KHDRBS3: variants seen among roughly 807,000 people sequenced by gnomAD.
KHDRBS3 encodes the protein KH RNA binding domain containing, signal transduction associated 3, also known as KH domain-containing, RNA-binding, signal transduction-associated protein 3.
Under a neutral mutation model 45.6 loss-of-function variants are expected in KHDRBS3, and 23 were observed. That is an observed-to-expected ratio of 0.50 (90% confidence interval 0.36 to 0.72). The LOEUF (loss-of-function observed/expected upper bound fraction) is 0.72, where lower values mean the gene tolerates loss of function less well. KHDRBS3 is among the 30% of genes least tolerant of loss of function. The pLI is 0.00. For synonymous variants in KHDRBS3, 162 were observed against 156.5 expected (o/e 1.04, Z -0.26); for missense variants, 352 against 424.8 (o/e 0.83, Z 1.51).
chr8:135,527,120 T>C (rs945963657), intron 2 of KHDRBS3, among the ~76,000 whole-genome samples: 4 of 152,218 alleles, frequency 2.6e-5, no homozygotes, highest in African/African-American at 9.6e-5. Context: ...TGGATCCGGC[T>C]CTGTCTATAC....
intron 1 of KHDRBS3, among the ~76,000 whole-genome samples, chr8:135,499,131 A>C (rs959138355): frequency 1.3e-5 from 2 of 152,150 alleles, no homozygotes; most frequent in Non-Finnish European, 1.5e-5. Flanking sequence ...GAGAGAGTGC[A>C]GTTGTGGTTG....
chr8:135,492,979 C>G (rs1823235145), intron 1 of KHDRBS3, among the ~76,000 whole-genome samples: 2 of 152,024 alleles, frequency 1.3e-5, no homozygotes, highest in Non-Finnish European at 1.5e-5. Context: ...TTATTTACAT[C>G]TTTTTAAATT....
At chr8:135,523,938 C>G (rs1041295483) in intron 2 of KHDRBS3, among the ~76,000 whole-genome samples, 1 of 151,884 alleles carries the variant, frequency 6.6e-6, no homozygotes, top group Non-Finnish European at 1.5e-5. Context: ...TGGGTTAAAC[C>G]CTACTTAATA....
intron 1 of KHDRBS3, among the ~76,000 whole-genome samples, chr8:135,504,749 G>A (rs984065636): frequency 6.6e-6 from 1 of 152,146 alleles, no homozygotes; most frequent in Non-Finnish European, 1.5e-5. Context: ...GTCTTCCTGT[G>A]CATTTCACAG....
At chr8:135,650,919 T>G (rs1214904026), downstream of KHDRBS3, among the ~76,000 whole-genome samples, 1 of 152,202 alleles carries the variant, frequency 6.6e-6, no homozygotes, top group Non-Finnish European at 1.5e-5. Context: ...CTCAGATATA[T>G]TTCCTGAACA....
At chr8:135,595,364 C>T (rs1203279601) in intron 6 of KHDRBS3, among the ~76,000 whole-genome samples, 4 of 152,146 alleles carry the variant, frequency 2.6e-5, no homozygotes, top group Non-Finnish European at 5.9e-5. Flanking sequence ...CTTTTTATGA[C>T]TTATTTTATG....
At chr8:135,608,074 C>A (rs1563802847) in intron 7 of KHDRBS3, among the ~76,000 whole-genome samples, 2 of 152,122 alleles carry the variant, frequency 1.3e-5, no homozygotes, top group South Asian at 4.1e-4. Flanking sequence ...CAGTGACTGG[C>A]ATGTGGTGAA....
intron 1 of KHDRBS3, among the ~76,000 whole-genome samples, chr8:135,493,367 CTT>C (rs1823255617): frequency 6.6e-6 from 1 of 152,050 alleles, no homozygotes; most frequent in Non-Finnish European, 1.5e-5. Flanking sequence ...GACATTCTTT[CTT>C]TTTTTCTGAT....
chr8:135,656,294 A>T (rs979568796), exon 5 of KHDRBS3: 2 of 152,234 alleles, frequency 1.3e-5, no homozygotes, highest in African/African-American at 4.8e-5. Context: ...CAGCAAATGA[A>T]TCCACTTGGG....
chr8:135,570,756 A>G (rs1469755721), intron 5 of KHDRBS3, among the ~76,000 whole-genome samples: 2 of 152,082 alleles, frequency 1.3e-5, no homozygotes, highest in Non-Finnish European at 2.9e-5. Flanking sequence ...TGAGTACCCC[A>G]CATCTCAGGC....
chr8:135,528,776 C>T (rs573729801), intron 2 of KHDRBS3, among the ~76,000 whole-genome samples: 4 of 152,290 alleles, frequency 2.6e-5, no homozygotes, highest in Admixed American at 6.5e-5. Context: ...GCTGCCTCCT[C>T]GCATAGTAGT....
intron 1 of KHDRBS3, among the ~76,000 whole-genome samples, chr8:135,498,839 A>C (rs1299265578): frequency 6.6e-6 from 1 of 152,182 alleles, no homozygotes; most frequent in African/African-American, 2.4e-5. Flanking sequence ...CATGCGCACA[A>C]TCAGGTGTGG....
intron 7 of KHDRBS3, among the ~76,000 whole-genome samples, chr8:135,636,121 C>T (rs747270442): frequency 1.3e-5 from 2 of 152,122 alleles, no homozygotes; most frequent in South Asian, 4.1e-4. Flanking sequence ...TAGTTCATTG[C>T]TGTGAGTTAT....
At chr8:135,483,222 T>G (rs1398558432) in intron 1 of KHDRBS3, among the ~76,000 whole-genome samples, 1 of 152,218 alleles carries the variant, frequency 6.6e-6, no homozygotes, top group Non-Finnish European at 1.5e-5. Flanking sequence ...GCTGATTATA[T>G]TTATGGACTC....
intron 1 of KHDRBS3, among the ~76,000 whole-genome samples, chr8:135,506,942 G>A (rs370070504): frequency 2.0e-5 from 3 of 151,790 alleles, no homozygotes; most frequent in Non-Finnish European, 2.9e-5. Flanking sequence ...AAACATTTTC[G>A]TTTATTTCAG....
intron 7 of KHDRBS3, among the ~76,000 whole-genome samples, chr8:135,643,833 C>A (rs1831169618): frequency 6.6e-6 from 1 of 152,198 alleles, no homozygotes; most frequent in African/African-American, 2.4e-5. Flanking sequence ...ATGGGTATGG[C>A]AGTTTTACTA....
At chr8:135,561,264 T>C (rs770883157) in intron 5 of KHDRBS3, among the ~76,000 whole-genome samples, 37 of 152,208 alleles carry the variant, frequency 2.4e-4, no homozygotes, top group Non-Finnish European at 5.1e-4. Flanking sequence ...CAAACACTTA[T>C]ATTGCAGCTA....
chr8:135,585,958 C>T (rs1828451506), intron 6 of KHDRBS3, among the ~76,000 whole-genome samples: 1 of 152,152 alleles, frequency 6.6e-6, no homozygotes, highest in African/African-American at 2.4e-5. Flanking sequence ...GAGAAAATAA[C>T]TTTCCTAAGT....
At chr8:135,597,587 T>C (rs925252554) in intron 6 of KHDRBS3, among the ~76,000 whole-genome samples, 2 of 152,016 alleles carry the variant, frequency 1.3e-5, no homozygotes, top group African/African-American at 4.8e-5. Flanking sequence ...TTATATACCA[T>C]ATATTTTGCT....
Sources: gnomAD v4.1 joint callset for allele counts (sites outside exome capture counted in the v4.1 genomes callset) on GRCh38, gnomAD v4.1.1 for gene constraint, MANE v1.5 for transcripts, NCBI Gene and HGNC (gene_info 2026-07-23, HGNC 2026-07-21) for gene names.